NCOR1: variants seen among roughly 807,000 people sequenced by gnomAD.
NCOR1 encodes protein phosphatase 1, regulatory subunit 109.
A neutral mutation model predicts 288.1 loss-of-function variants in NCOR1; 63 were observed. That is an observed-to-expected ratio of 0.22 (90% CI 0.18 to 0.27). The LOEUF is 0.27. NCOR1 is among the 10% of genes least tolerant of loss of function. NCOR1 has a pLI of 1.00. For missense variants in NCOR1, 2,397 were observed against 3,019.2 expected (o/e 0.79, Z 4.83); for synonymous variants, 1,007 against 1,065.9 (o/e 0.94, Z 1.08).
intron 17 of NCOR1, among the ~76,000 whole-genome samples, chr17:16,118,377 T>C (rs1265834781): frequency 1.3e-5 from 2 of 152,156 alleles, no homozygotes; most frequent in Non-Finnish European, 2.9e-5. Context: ...CTGGACACAA[T>C]ATATCAAGCC....
chr17:16,208,098 T>C (rs1365942452), intron 1 of NCOR1, among the ~76,000 whole-genome samples: 3 of 142,016 alleles, frequency 2.1e-5, no homozygotes, highest in African/African-American at 7.8e-5. Context: ...TGGAATGTAG[T>C]GGCGCAATCT....
At chr17:16,204,238 G>A (rs1192222879) in intron 1 of NCOR1, among the ~76,000 whole-genome samples, 1 of 152,274 alleles carries the variant, frequency 6.6e-6, no homozygotes, top group Non-Finnish European at 1.5e-5. Context: ...GCAAAAAACA[G>A]ATTATTCACT....
chr17:16,202,662 A>C (rs1240311954), intron 1 of NCOR1, among the ~76,000 whole-genome samples: 2 of 152,134 alleles, frequency 1.3e-5, no homozygotes, highest in Non-Finnish European at 2.9e-5. Context: ...GTCTGGTTCC[A>C]CTATTATCTC....
At chr17:16,142,505 T>C (rs535726958) in intron 11 of NCOR1, among the ~76,000 whole-genome samples, 2 of 152,150 alleles carry the variant, frequency 1.3e-5, no homozygotes, top group South Asian at 2.1e-4. Flanking sequence ...TGGAACAATC[T>C]TGAGAGTTTG....
intron 2 of NCOR1, among the ~76,000 whole-genome samples, chr17:16,190,246 T>C (rs937779409): frequency 7.2e-5 from 11 of 152,030 alleles, no homozygotes; most frequent in African/African-American, 2.7e-4. Flanking sequence ...TAAAATGAAA[T>C]AAAAAATAAA....
At chr17:16,181,504 T>G (rs1490110955) in intron 3 of NCOR1, among the ~76,000 whole-genome samples, 4 of 151,912 alleles carry the variant, frequency 2.6e-5, no homozygotes, top group African/African-American at 9.7e-5. Context: ...AGCAGATGTG[T>G]GGGATGAACA....
At chr17:16,146,862 T>C (rs1439098427) in intron 9 of NCOR1, among the ~76,000 whole-genome samples, 1 of 152,182 alleles carries the variant, frequency 6.6e-6, no homozygotes, top group Admixed American at 6.5e-5. Flanking sequence ...ATTATGTCAT[T>C]GTTGTCCCAA....
chr17:16,116,449 CAT>C (rs973153010), intron 18 of NCOR1, among the ~76,000 whole-genome samples: 1 of 152,154 alleles, frequency 6.6e-6, no homozygotes, highest in Non-Finnish European at 1.5e-5. Flanking sequence ...GTTAGAGAAA[CAT>C]ATTTTCCAAA....
intron 5 of NCOR1, among the ~76,000 whole-genome samples, chr17:16,162,741 A>G (rs964759030): frequency 3.3e-5 from 5 of 152,196 alleles, no homozygotes; most frequent in Non-Finnish European, 2.9e-5. Context: ...TTGCCAACTA[A>G]GAGACCTTCA....
rs777848204 is a variant in NCOR1, at chr17:16,064,890, T to C, written c.5081A>G (p.Asn1694Ser). 2 of 1,612,270 alleles carry C rather than the reference T, an allele frequency of 1.2e-6. No individual in the cohort carries two copies. Among genetic ancestry groups the C allele is most frequent in the African/African-American group, 1.3e-5 (1 of 74,926 alleles). Residue 1694 changes from asparagine (N) to serine (S), a missense_variant, in exon 34 of 46, where the codon AAC becomes AGC. By Grantham distance (46) the Asn-to-Ser change is conservative. This residue lies in a region of NCOR1 where 1,872 missense variants were observed against 2,187.8 expected (regional missense o/e 0.86). Transcript: ENST00000268712. ...TQITFPPRPY[N>S]SASMSPGHPT... ...CTCACCTGGAGACATGGAAGCAGAG[T>C]TGTACGGCCTGGGAGGGAAAGTAAT...
At chr17:16,185,235 G>A (rs571660080) in intron 3 of NCOR1, among the ~76,000 whole-genome samples, 3 of 151,960 alleles carry the variant, frequency 2.0e-5, no homozygotes, top group East Asian at 3.9e-4. Flanking sequence ...GATTTTAGTC[G>A]GTCCAGCCAC....
chr17:16,098,936 T>G (rs1198854541), intron 20 of NCOR1: 1 of 152,310 alleles, frequency 6.6e-6, no homozygotes, highest in Admixed American at 6.5e-5. Flanking sequence ...ACCACAAATA[T>G]CCTAACATGG....
In NCOR1 at chr17:16,065,609, T is replaced by A. The variant is rs1475818724; in HGVS notation, c.4827A>T (p.Thr1609=). ...TGTAATCATTTAAGATTGTCTGTCT[T>A]GTGTTCTCCATTGCGTAAAGCTGAT... ...SQYQLYAMEN[T]RQTILNDYIT... is the part of the protein sequence containing the mutation. Residue 1609 remains threonine, a synonymous_variant, in exon 33 of 46, where the codon ACA becomes ACT. Transcript: ENST00000268712. 1.2e-6 allele frequency: 2 copies of A among 1,614,112 alleles called. No homozygotes were observed. The highest frequency in any genetic ancestry group is 2.7e-5 in the African/African-American group (2 of 74,926).
In NCOR1 at chr17:16,029,433, A is replaced by C. The variant is rs966001171; in HGVS notation, c.*2863T>G. ...TGGTCACTGGAGTTTTCTGGGCATA[A>C]ATATTTTTAAAATAGAATCACTCAG... On this transcript the variant is annotated 3_prime_UTR_variant, in exon 46 of 46. Coordinates refer to ENST00000268712, the MANE Select transcript of NCOR1 (RefSeq NM_006311.4). 22 of 285,636 alleles carry C rather than the reference A, an allele frequency of 7.7e-5. No individual in the cohort carries two copies. The highest frequency in any genetic ancestry group is 4.9e-4 in the African/African-American group (22 of 45,004). The allele number at this position is 285,636 out of a possible 1,614,324, so 17.7% of individuals were successfully genotyped here.
intron 22 of NCOR1, among the ~76,000 whole-genome samples, chr17:16,088,571 CCT>C (rs1346442296): frequency 6.6e-6 from 1 of 152,094 alleles, no homozygotes; most frequent in Non-Finnish European, 1.5e-5. Flanking sequence ...AATACCTAAA[CCT>C]CTTATTTCCT....
intron 38 of NCOR1, 43 bp from the exon 39 acceptor site, chr17:16,058,107 GCT>G: frequency 6.3e-7 from 1 of 1,588,968 alleles, no homozygotes; most frequent in African/African-American, 1.3e-5. Context: ...GAATGTCTGT[GCT>G]TTTCACTCAT....
intron 44 of NCOR1, 84 bp from the exon 45 acceptor site, chr17:16,035,028 G>A: frequency 4.6e-6 from 6 of 1,300,954 alleles, no homozygotes; most frequent in South Asian, 2.9e-5. Context: ...ATTGCTAAAT[G>A]AAAAAAAAGC....
chr17:16,205,564 T>C (rs1275017914), intron 1 of NCOR1, among the ~76,000 whole-genome samples: 5 of 150,170 alleles, frequency 3.3e-5, no homozygotes, highest in Non-Finnish European at 5.9e-5. Context: ...GAGGTTGCAG[T>C]GAGCTGAGAT....
chr17:16,119,052 C>T (rs972457957), intron 17 of NCOR1, among the ~76,000 whole-genome samples: 1 of 152,122 alleles, frequency 6.6e-6, no homozygotes, highest in Non-Finnish European at 1.5e-5. Flanking sequence ...CTATTAAATA[C>T]AACTTTTAGG....
Sources: gnomAD v4.1 joint callset for allele counts (sites outside exome capture counted in the v4.1 genomes callset) on GRCh38, gnomAD v4.1.1 for gene constraint, gnomAD v4.1.1 regional missense constraint, MANE v1.5 for transcripts, NCBI Gene and HGNC (gene_info 2026-07-23, HGNC 2026-07-21) for gene names.